Variants in UFM1 observed in about 807,000 individuals in gnomAD.
UFM1 encodes the protein ubiquitin fold modifier 1, also known as ubiquitin-fold modifier 1.
A neutral mutation model predicts 15.4 loss-of-function variants in UFM1; 9 were observed. That is an observed-to-expected ratio of 0.59 (90% CI 0.35 to 1.02). UFM1 has a LOEUF of 1.02. Among genes scored for constraint, UFM1 ranks in the 50% least tolerant of loss-of-function variants. The probability of loss-of-function intolerance (pLI) is 0.02; values close to 1 mark genes in which losing one functional copy is unlikely to be tolerated. For missense variants in UFM1, 98 were observed against 104.7 expected, an observed-to-expected ratio of 0.94 and a Z score of 0.28; for synonymous variants, 27 against 36.3, an observed-to-expected ratio of 0.74 and a Z score of 0.92.
rs1449592041 is a variant in UFM1 at position 38,350,023 on chromosome 13, G to T, written c.27G>T (p.Thr9=). ...GGTCGAAGGTTTCCTTTAAGATCAC[G>T]CTGACGTCGGACCCACGGCTGCCGT... is the stretch of plus-strand genomic sequence containing the variant. MSKVSFKI[T]LTSDPRLPYK... is the part of the protein sequence containing the mutation. The change falls in exon 2 of 6, where the codon ACG becomes ACT. Residue 9 remains threonine (T), a synonymous_variant. Coordinates refer to ENST00000239878, the MANE Select transcript of UFM1 (RefSeq NM_016617.4). The T allele has an allele frequency of 1.9e-6, 3 of 1,614,190 alleles. No individual in the cohort carries two copies. The Admixed American group carries it at 5.0e-5, about 27-fold the overall frequency.
At chr13:38,353,916 T>TCC (rs1220150952) in intron 2 of UFM1, among the ~76,000 whole-genome samples, 2 of 152,042 alleles carry the variant, frequency 1.3e-5, no homozygotes, top group African/African-American at 4.8e-5. Context: ...CTTTTTGAAA[T>TCC]CCATCTCTAG....
intron 5 of UFM1, chr13:38,359,678 C>A: frequency 5.7e-6 from 1 of 176,168 alleles, no homozygotes; most frequent in South Asian, 1.5e-4. Context: ...CTGTAAAGTG[C>A]TTCATAGCTT....
chr13:38,359,221 TG>T, intron 4 of UFM1, 79 bp from the exon 5 acceptor site: 1 of 1,355,908 alleles, frequency 7.4e-7, no homozygotes, highest in Non-Finnish European at 1.0e-6. Context: ...AGCACTATTT[TG>T]GCAAATCTCT....
At chr13:38,358,028 C>G (rs1879188024) in intron 3 of UFM1, 65 bp from the exon 4 acceptor site, 1 of 768,830 alleles carries the variant, frequency 1.3e-6, no homozygotes, top group African/African-American at 2.0e-5. Flanking sequence ...TGCTAATTAT[C>G]TTATAGTTTT....
Position 38,362,318 on chromosome 13 carries a change from G to GT in UFM1, c.*1541dup, listed in dbSNP as rs1879445208. On this transcript the variant is annotated 3_prime_UTR_variant, in exon 6 of 6. Coordinates refer to ENST00000239878, the MANE Select transcript of UFM1 (RefSeq NM_016617.4). ...AGATTCAACAGAATCAGCATTTGAA[G>GT]TGTACCATTGGTAGTTGTTTATGAA... 1 of 152,166 alleles carries GT rather than the reference G, an allele frequency of 6.6e-6. No homozygotes were observed. The highest frequency in any genetic ancestry group is 1.5e-5 in the Non-Finnish European group (1 of 68,026). 9.4% of individuals were successfully genotyped at this position (152,166 alleles called of 1,614,324 possible). A position where few individuals can be genotyped will look rare whatever the true frequency, so the allele number is the denominator to read the frequency against.
chr13:38,359,941 T>G, intron 5 of UFM1: 1 of 229,610 alleles, frequency 4.4e-6, no homozygotes, highest in South Asian at 4.7e-5. Flanking sequence ...GTTTTAAAAT[T>G]AGGCATGCTT....
chr13:38,360,181 T>G (rs1879306853), intron 5 of UFM1: 1 of 218,166 alleles, frequency 4.6e-6, no homozygotes, highest in African/African-American at 2.4e-5. Flanking sequence ...ATGGATGCCT[T>G]TAAACTTAGT....
In UFM1 at chr13:38,350,301, G is replaced by A. The variant is rs1004569067; in HGVS notation, c.59+246G>A. 11 of 1,450,508 alleles carry A rather than the reference G, an allele frequency of 7.6e-6. No individual in the cohort carries two copies. In the Admixed American group the frequency reaches 1.2e-4, roughly 16 times the overall value. The allele number at this position is 1,450,508 out of a possible 1,614,324, so 89.9% of individuals were successfully genotyped here. On this transcript the variant is annotated intron_variant, in intron 2 of 5. Coordinates refer to ENST00000239878, the MANE Select transcript of UFM1 (RefSeq NM_016617.4). ...GAGGGTGTGGGTGTGTTTCTGATTAGTGACCTCCCCTCGGAATTCATTTGG... is the reference window on the plus strand; with the variant it reads ...GAGGGTGTGGGTGTGTTTCTGATTAATGACCTCCCCTCGGAATTCATTTGG...
In UFM1 at chr13:38,351,945, G is replaced by A. The variant is rs564402939; in HGVS notation, c.59+1890G>A. Among the ~76,000 whole-genome samples the A allele has an allele frequency of 6.6e-5, 10 of 152,188 alleles. No homozygotes were observed. The South Asian group carries it at 2.1e-3, about 32-fold the overall frequency. ...CTATATTTTCTTTTCAAAGTACATG[G>A]TAACTAGTACTTGGGTACTTGACAA... On this transcript the variant is annotated intron_variant, in intron 2 of 5. Coordinates refer to ENST00000239878, the MANE Select transcript of UFM1 (RefSeq NM_016617.4).
intron 4 of UFM1, 66 bp from the exon 5 acceptor site, chr13:38,359,235 C>A: frequency 6.6e-7 from 1 of 1,519,390 alleles, no homozygotes; most frequent in East Asian, 2.3e-5. Flanking sequence ...AAATCTCTTT[C>A]CTTGCTACTA....
At chr13:38,357,740 G>A (rs931783336) in intron 3 of UFM1, among the ~76,000 whole-genome samples, 6 of 151,818 alleles carry the variant, frequency 4.0e-5, no homozygotes, top group Admixed American at 1.3e-4. Flanking sequence ...TTACAATAAC[G>A]TTAAAGAAAA....
chr13:38,352,830 A>G (rs950556), intron 2 of UFM1, among the ~76,000 whole-genome samples: 176 of 152,326 alleles, frequency 1.2e-3, no homozygotes, highest in Middle Eastern at 6.8e-3. Flanking sequence ...GGACATTTCC[A>G]AGTCTCCGAT....
At chr13:38,353,751 T>G (rs2150468) in intron 2 of UFM1, among the ~76,000 whole-genome samples, 127,626 of 151,926 alleles carry the variant, frequency 0.84, 56,912 homozygotes, top group East Asian at 0.99. Context: ...AACATGATTA[T>G]TAAGAGTACA....
rs915891767 is a variant in UFM1 at position 38,363,218 on chromosome 13, G to A, written c.*2440G>A. 6.6e-6 allele frequency: 1 copy of A among 152,122 alleles called. No individual in the cohort carries two copies. Among genetic ancestry groups the A allele is most frequent in the Non-Finnish European group, 1.5e-5 (1 of 68,020 alleles). 9.4% of individuals were successfully genotyped at this position (152,122 alleles called of 1,614,324 possible). A position where few individuals can be genotyped will look rare whatever the true frequency, so the allele number is the denominator to read the frequency against. Reference sequence around the variant, plus strand: ...GGTCCCATATTACTATATTTTTACTGTGCTTTATCTATGTTTGGATACACA... The same window carrying A: ...GGTCCCATATTACTATATTTTTACTATGCTTTATCTATGTTTGGATACACA... On this transcript the variant is annotated 3_prime_UTR_variant, in exon 6 of 6. Coordinates refer to ENST00000239878, the MANE Select transcript of UFM1 (RefSeq NM_016617.4).
At position 38,362,330 on chromosome 13, in the gene UFM1, T is replaced by C. The variant is rs989830206; in HGVS notation, c.*1552T>C. 1.4e-4 allele frequency: 22 copies of C among 152,192 alleles called. No individual in the cohort carries two copies. The highest frequency in any genetic ancestry group is 2.8e-4 in the Non-Finnish European group (19 of 68,036). 9.4% of individuals were successfully genotyped at this position (152,192 alleles called of 1,614,324 possible). On this transcript the variant is annotated 3_prime_UTR_variant, in exon 6 of 6. Coordinates refer to ENST00000239878, the MANE Select transcript of UFM1 (RefSeq NM_016617.4). ...ATCAGCATTTGAAGTGTACCATTGG[T>C]AGTTGTTTATGAAATTACCAGATAT...
chr13:38,360,642 A>G (rs1352106007), intron 5 of UFM1, 69 bp from the exon 6 acceptor site: 3 of 1,179,004 alleles, frequency 2.5e-6, no homozygotes, highest in Non-Finnish European at 2.4e-6. Context: ...ATTATATTTA[A>G]TAATTGTCAG....
At chr13:38,359,369 GT>G in intron 5 of UFM1, 36 bp downstream of exon 5, 1 of 1,605,896 alleles carries the variant, frequency 6.2e-7, no homozygotes, top group Non-Finnish European at 8.5e-7. Context: ...AGTGGGTGGG[GT>G]TATATATGTC....
chr13:38,359,407 CTAAT>C, intron 5 of UFM1, 74 bp downstream of exon 5: 12 of 1,490,358 alleles, frequency 8.1e-6, no homozygotes, highest in Non-Finnish European at 1.1e-5. Flanking sequence ...TTAAGCTATT[CTAAT>C]TACACTTGAC....
Position 38,350,075 on chromosome 13 carries a change from T to C in UFM1, c.59+20T>C, listed in dbSNP as rs1283184964. 2 of 1,614,208 alleles carry C rather than the reference T, an allele frequency of 1.2e-6. No individual in the cohort carries two copies. The highest frequency in any genetic ancestry group is 1.7e-6 in the Non-Finnish European group (2 of 1,180,030). ...CAAAGTGTGAGTAGCTCGGCCGAGA[T>C]GGGCCTTTTGGGGCCGGACAAGACG... is the stretch of plus-strand genomic sequence containing the variant. On this transcript the variant is annotated intron_variant, in intron 2 of 5. Transcript: ENST00000239878.
Sources: gnomAD v4.1 joint callset for allele counts (sites outside exome capture counted in the v4.1 genomes callset) on GRCh38, gnomAD v4.1.1 for gene constraint, MANE v1.5 for transcripts, NCBI Gene and HGNC (gene_info 2026-07-23, HGNC 2026-07-21) for gene names.